CFAP47: variants seen among roughly 807,000 people sequenced by gnomAD.
CFAP47 encodes the protein cilia- and flagella-associated protein 47.
A neutral mutation model predicts 148.1 loss-of-function variants in CFAP47; 29 were observed. That is an observed-to-expected ratio of 0.20 (90% confidence interval 0.15 to 0.27). The LOEUF (loss-of-function observed/expected upper bound fraction) is 0.27. Among genes scored for constraint, CFAP47 ranks in the 10% least tolerant of loss-of-function variants. CFAP47 has a pLI of 1.00. For missense variants in CFAP47, 1,872 were observed against 1,697.5 expected, an observed-to-expected ratio of 1.10 and a Z score of -1.81; for synonymous variants, 664 against 577.3, an observed-to-expected ratio of 1.15 and a Z score of -2.15.
At chrX:36,100,320 T>C (rs758439427) in intron 32 of CFAP47, among the ~76,000 whole-genome samples, 4 of 111,778 alleles carry the variant, frequency 3.6e-5, no homozygotes, top group African/African-American at 1.3e-4. Flanking sequence ...AAAGAATGAG[T>C]ACTGGTGAAA....
In CFAP47 at chrX:36,075,204, TATTTA is replaced by T. The variant is rs1248343109; in HGVS notation, c.4691+1841_4691+1845del. On this transcript the variant is annotated intron_variant, in intron 29 of 63. Coordinates refer to ENST00000378653, the MANE Select transcript of CFAP47 (RefSeq NM_001304548.2). Reference sequence around the variant, plus strand: ...ATTTTAATTTTATATGTATTATTTTTATTTATTTATTTATTTATTTATTTATTTAT... The same window carrying T: ...ATTTTAATTTTATATGTATTATTTTTTTTATTTATTTATTTATTTATTTAT... 3.4e-3 allele frequency among the ~76,000 whole-genome samples: 340 copies of T among 99,920 alleles called. 3 individuals carry two copies. Among genetic ancestry groups the T allele is most frequent in the African/African-American group, 0.012 (334 of 26,790 alleles). The allele number at this position is 99,920 out of a possible 115,157, so 86.8% of individuals were successfully genotyped here.
chrX:36,320,665 G>A (rs984437732), intron 57 of CFAP47, among the ~76,000 whole-genome samples: 1 of 111,990 alleles, frequency 8.9e-6, no homozygotes, highest in Non-Finnish European at 1.9e-5. Context: ...GCAAAAAATG[G>A]TTTAAAATAT....
At chrX:36,087,310 C>T (rs1462539272) in intron 30 of CFAP47, among the ~76,000 whole-genome samples, 1 of 112,134 alleles carries the variant, frequency 8.9e-6, no homozygotes, top group Non-Finnish European at 1.9e-5. Context: ...TCTCAGGTGC[C>T]ATCTGGCATG....
chrX:36,227,488 T>G (rs1159171947), intron 45 of CFAP47, among the ~76,000 whole-genome samples: 1 of 109,923 alleles, frequency 9.1e-6, no homozygotes, highest in African/African-American at 3.4e-5. Context: ...ACATAAACTC[T>G]TGTTTGATAA....
intron 16 of CFAP47, 175 bp downstream of exon 16, chrX:35,989,624 C>T: frequency 9.6e-7 from 1 of 1,036,420 alleles, no homozygotes; most frequent in Non-Finnish European, 1.3e-6. Flanking sequence ...TCATGGGAGC[C>T]ATTGAAATGA....
chrX:36,142,093 A>G (rs756454861), intron 35 of CFAP47, among the ~76,000 whole-genome samples: 1 of 112,312 alleles, frequency 8.9e-6, no homozygotes. Flanking sequence ...GATTGTTGGG[A>G]AGGCATTCAA....
At chrX:36,123,924 C>G (rs1329181126) in intron 33 of CFAP47, among the ~76,000 whole-genome samples, 1 of 111,556 alleles carries the variant, frequency 9.0e-6, no homozygotes, top group Non-Finnish European at 1.9e-5. Flanking sequence ...GTCTCAGAGT[C>G]TCATCCAAGT....
chrX:36,254,377 G>A (rs925448282), intron 49 of CFAP47, among the ~76,000 whole-genome samples: 6 of 111,617 alleles, frequency 5.4e-5, no homozygotes, highest in Non-Finnish European at 1.1e-4. Flanking sequence ...TAGCAATGCA[G>A]GTAGACATTT....
intron 2 of CFAP47, among the ~76,000 whole-genome samples, chrX:35,935,814 A>T (rs6527525): frequency 0.19 from 20,607 of 110,501 alleles, 1,590 homozygotes; most frequent in African/African-American, 0.28. Context: ...TTTCAGTACT[A>T]GAAAAATATT....
At chrX:35,925,384 AT>A (rs1189181944) in intron 1 of CFAP47, among the ~76,000 whole-genome samples, 4 of 110,379 alleles carry the variant, frequency 3.6e-5, no homozygotes, top group Non-Finnish European at 5.7e-5. Flanking sequence ...CAAAAAAAAA[AT>A]AATAATGTAT....
At chrX:36,047,513 C>T (rs779770747) in intron 26 of CFAP47, among the ~76,000 whole-genome samples, 8 of 111,872 alleles carry the variant, frequency 7.2e-5, no homozygotes, top group Non-Finnish European at 1.1e-4. Flanking sequence ...GTTACTTTAA[C>T]GGGGTGAGGA....
rs770456698 is a variant in CFAP47 at position 36,016,016 on chromosome X, G to T, written c.3556+1104G>T. Among the ~76,000 whole-genome samples, 76 of 109,418 alleles carry T rather than the reference G, an allele frequency of 6.9e-4. No individual in the cohort carries two copies. In the East Asian group the frequency reaches 0.018, roughly 26 times the overall value. The stretch of plus-strand genomic sequence containing the variant: ...TTTTATTTTTTAATTTTTAGTTTTT[G>T]GGGGCACATAGTAGGTGTATATCTT... On this transcript the variant is annotated intron_variant, in intron 22 of 63. Transcript: ENST00000378653.
chrX:35,943,689 G>C lies in CFAP47; in HGVS notation c.517+2291G>C, dbSNP rs773274436. Among the ~76,000 whole-genome samples, 3 of 111,620 alleles carry C rather than the reference G, an allele frequency of 2.7e-5. No homozygotes were observed. In the South Asian group the frequency reaches 1.1e-3, roughly 41 times the overall value. ...CCATATTTACTTTTATGATTTTATG[G>C]CTTGATAATACCACTATTGTTTCTC... On this transcript the variant is annotated intron_variant, in intron 3 of 63. Transcript: ENST00000378653.
intron 40 of CFAP47, among the ~76,000 whole-genome samples, chrX:36,182,633 A>T: frequency 8.9e-6 from 1 of 112,267 alleles, no homozygotes; most frequent in Middle Eastern, 4.7e-3. Flanking sequence ...GAAAGTCAAT[A>T]GCAGTGCCTC....
chrX:36,142,876 C>G (rs1939167213), intron 35 of CFAP47, among the ~76,000 whole-genome samples: 1 of 110,244 alleles, frequency 9.1e-6, no homozygotes, highest in Non-Finnish European at 1.9e-5. Context: ...CCCCAGTAAA[C>G]ACACCTCCCG....
chrX:36,318,612 A>C (rs1415522134), intron 56 of CFAP47, among the ~76,000 whole-genome samples: 1 of 112,106 alleles, frequency 8.9e-6, no homozygotes, highest in Non-Finnish European at 1.9e-5. Flanking sequence ...AGACCAGGAA[A>C]AGAGTCTGTA....
At chrX:35,958,672 T>C (rs919413844) in intron 8 of CFAP47, among the ~76,000 whole-genome samples, 41 of 112,045 alleles carry the variant, frequency 3.7e-4, no homozygotes, top group African/African-American at 1.3e-3. Flanking sequence ...TCCATTTGTA[T>C]ATTTTCTTTG....
chrX:36,354,480 C>CAAAAA (rs869120972), intron 60 of CFAP47, among the ~76,000 whole-genome samples: 2 of 40,540 alleles, frequency 4.9e-5, no homozygotes, highest in African/African-American at 1.5e-4. Context: ...GACTCTGTCT[C>CAAAAA]AAAAAAAAAA....
At position 36,143,943 on chromosome X, in the gene CFAP47, C is replaced by T. The variant is rs184513103; in HGVS notation, c.5536-1276C>T. Among the ~76,000 whole-genome samples the T allele has an allele frequency of 1.1e-3, 121 of 111,118 alleles. 1 individual carries two copies. Among genetic ancestry groups the T allele is most frequent in the African/African-American group, 3.8e-3 (116 of 30,423 alleles). The stretch of plus-strand genomic sequence containing the variant: ...AGTCCCTCACCCTGCCGTCTAAGAC[C>T]TCCACAATGTAGCCTGGCACTCCTT... On this transcript the variant is annotated intron_variant, in intron 35 of 63. Transcript: ENST00000378653.
Sources: allele counts gnomAD v4.1 joint callset (sites outside exome capture counted in the v4.1 genomes callset), GRCh38; gene constraint gnomAD v4.1.1; transcripts MANE v1.5; gene names NCBI Gene and HGNC (gene_info 2026-07-23, HGNC 2026-07-21).